The following CIMAP3 variants were observed in gnomAD, a reference collection of about 807,000 sequenced individuals.
CIMAP3 encodes the protein ciliary microtubule associated protein 3.
the CIMAP3 span, among the ~76,000 whole-genome samples, chr1:111,339,039 G>A: frequency 6.6e-6 from 1 of 152,164 alleles, no homozygotes; most frequent in African/African-American, 2.4e-5. Flanking sequence ...GGAATGCAAG[G>A]CTGGTTCAAT....
chr1:111,326,102 G>C, the CIMAP3 span, among the ~76,000 whole-genome samples: 1 of 152,268 alleles, frequency 6.6e-6, no homozygotes, highest in African/African-American at 2.4e-5. Flanking sequence ...GACCAAGTCA[G>C]GGTATTTGAG....
At chr1:111,328,493 G>T in the CIMAP3 span, among the ~76,000 whole-genome samples, 3 of 152,268 alleles carry the variant, frequency 2.0e-5, no homozygotes, top group East Asian at 1.9e-4. Context: ...ATGTCTTTTT[G>T]CAGGTTGCTA....
At chr1:111,350,134 C>G in the CIMAP3 span, 32 of 1,613,846 alleles carry the variant, frequency 2.0e-5, no homozygotes, top group Non-Finnish European at 2.6e-5. Context: ...AGAGAAGAAG[C>G]CACCGCCAAA....
the CIMAP3 span, among the ~76,000 whole-genome samples, chr1:111,337,635 A>G: frequency 2.6e-5 from 4 of 152,250 alleles, no homozygotes; most frequent in Non-Finnish European, 5.9e-5. Context: ...CAATTCAACA[A>G]GAAGAGCTAA....
chr1:111,348,258 C>T, the CIMAP3 span: 940 of 287,376 alleles, frequency 3.3e-3, 11 homozygotes, highest in African/African-American at 0.019. Flanking sequence ...GCATAGTGGC[C>T]GTGATAAGTT....
chr1:111,344,912 T>C, the CIMAP3 span, among the ~76,000 whole-genome samples: 1 of 152,202 alleles, frequency 6.6e-6, no homozygotes, highest in African/African-American at 2.4e-5. Context: ...CATTTTTAAT[T>C]TTAAACCATA....
the CIMAP3 span, among the ~76,000 whole-genome samples, chr1:111,332,767 G>C: frequency 2.0e-5 from 3 of 152,292 alleles, no homozygotes; most frequent in East Asian, 5.8e-4. Flanking sequence ...GGCTGATCTA[G>C]GGATGTGTCT....
At chr1:111,347,622 CTTTTT>C in the CIMAP3 span, 4 of 809,716 alleles carry the variant, frequency 4.9e-6, no homozygotes, top group South Asian at 2.1e-5. Flanking sequence ...TTTTTTCTTT[CTTTTT>C]TTTTTTTTTT....
chr1:111,347,102 T>C, the CIMAP3 span: 2 of 1,516,230 alleles, frequency 1.3e-6, no homozygotes, highest in African/African-American at 1.4e-5. Context: ...TATTGAGGGA[T>C]AGCCAAGTTT....
chr1:111,347,033 G>A, the CIMAP3 span: 12 of 1,612,542 alleles, frequency 7.4e-6, no homozygotes, highest in Non-Finnish European at 1.0e-5. Context: ...AGAGGGCCTG[G>A]GTGTTATTTT....
the CIMAP3 span, among the ~76,000 whole-genome samples, chr1:111,337,718 G>C: frequency 7.7e-3 from 1,177 of 152,238 alleles, 15 homozygotes; most frequent in African/African-American, 0.027. Flanking sequence ...GACCTACAAA[G>C]AGAATTAGAC....
At chr1:111,326,312 T>A in the CIMAP3 span, among the ~76,000 whole-genome samples, 1,025 of 152,232 alleles carry the variant, frequency 6.7e-3, 10 homozygotes, top group African/African-American at 0.022. Context: ...ACCCACTCAC[T>A]CTTTCCAGCC....
At chr1:111,331,686 G>T in the CIMAP3 span, among the ~76,000 whole-genome samples, 2 of 151,194 alleles carry the variant, frequency 1.3e-5, no homozygotes, top group Non-Finnish European at 2.9e-5. Flanking sequence ...TTTTGGGGGG[G>T]GCATTCCATA....
the CIMAP3 span, chr1:111,347,050 G>A: frequency 1.2e-6 from 2 of 1,609,918 alleles, no homozygotes; most frequent in Admixed American, 1.7e-5. Context: ...TTTTTCAGAT[G>A]TGAGTATTCA....
the CIMAP3 span, among the ~76,000 whole-genome samples, chr1:111,340,222 C>T: frequency 6.6e-6 from 1 of 151,874 alleles, no homozygotes; most frequent in Admixed American, 6.5e-5. Flanking sequence ...GGATTAAAGA[C>T]TTAAACGTTA....
At chr1:111,327,017 A>G in the CIMAP3 span, among the ~76,000 whole-genome samples, 1 of 152,082 alleles carries the variant, frequency 6.6e-6, no homozygotes, top group Admixed American at 6.6e-5. Flanking sequence ...TACTTCGCAA[A>G]TATTTTCTCC....
chr1:111,334,034 T>A, the CIMAP3 span, among the ~76,000 whole-genome samples: 1 of 152,230 alleles, frequency 6.6e-6, no homozygotes, highest in Non-Finnish European at 1.5e-5. Context: ...TAGGTAATAT[T>A]AATATTTGTA....
the CIMAP3 span, among the ~76,000 whole-genome samples, chr1:111,332,382 G>A: frequency 1.3e-5 from 2 of 152,322 alleles, no homozygotes; most frequent in African/African-American, 4.8e-5. Flanking sequence ...CCTGGATTGT[G>A]GTCATATGGC....
At chr1:111,340,034 C>A in the CIMAP3 span, among the ~76,000 whole-genome samples, 540 of 150,980 alleles carry the variant, frequency 3.6e-3, 1 homozygote, top group African/African-American at 0.012. Flanking sequence ...CAGAACAGAG[C>A]CCTCAGGAAT....
Sources: allele counts gnomAD v4.1 joint callset (sites outside exome capture counted in the v4.1 genomes callset), GRCh38; gene constraint gnomAD v4.1.1; transcripts MANE v1.5; gene names NCBI Gene and HGNC (gene_info 2026-07-23, HGNC 2026-07-21).